Variants in PRPF6 observed in about 807,000 individuals in gnomAD.
PRPF6 encodes pre-mRNA-processing factor 6.
Under a neutral mutation model 118.3 loss-of-function variants are expected in PRPF6, and 42 were observed. That is an observed-to-expected ratio of 0.35 (90% CI 0.28 to 0.46). The LOEUF is 0.46. Ranked by LOEUF, PRPF6 falls within the 20% of genes least tolerant of loss-of-function variation. The pLI is 1.00. For synonymous variants in PRPF6, 481 were observed against 485.1 expected, an observed-to-expected ratio of 0.99 and a Z score of 0.11; for missense variants, 662 against 1,255.7, an observed-to-expected ratio of 0.53 and a Z score of 7.15.
chr20:64,017,442 C>CAT (rs2059243894), intron 12 of PRPF6, among the ~76,000 whole-genome samples: 1 of 148,912 alleles, frequency 6.7e-6, no homozygotes, highest in Admixed American at 6.6e-5. Context: ...GGATCACAGG[C>CAT]GTGAGCCGCC....
intron 1 of PRPF6, 122 bp downstream of exon 1, chr20:63,981,438 T>A: frequency 1.0e-6 from 1 of 978,140 alleles, no homozygotes. Flanking sequence ...TGGATCGGCT[T>A]AATCCCTGCA....
intron 12 of PRPF6, among the ~76,000 whole-genome samples, chr20:64,021,298 G>A (rs1036149300): frequency 6.6e-6 from 1 of 150,890 alleles, no homozygotes; most frequent in Non-Finnish European, 1.5e-5. Flanking sequence ...GCGTGTGTGT[G>A]TGTGTGTGTG....
rs550028514 is a variant in PRPF6, at chr20:64,000,853, C to T, written c.1024-224C>T. 1.1e-4 allele frequency among the ~76,000 whole-genome samples: 17 copies of T among 152,318 alleles called. No individual in the cohort carries two copies. The South Asian group carries it at 3.3e-3, about 30-fold the overall frequency. On this transcript the variant is annotated intron_variant, in intron 8 of 20. Transcript: ENST00000266079. ...AAGGGCTGGGATTACAGGCGTGAGC[C>T]ACCGCGCCCGGCCATTAGGTGTTCT...
intron 9 of PRPF6, among the ~76,000 whole-genome samples, chr20:64,004,490 A>G (rs2123035903): frequency 6.6e-6 from 1 of 152,284 alleles, no homozygotes; most frequent in East Asian, 1.9e-4. Context: ...AGCTACTTCC[A>G]CTGGTGACTT....
intron 4 of PRPF6, among the ~76,000 whole-genome samples, chr20:63,993,751 T>G (rs1419560784): frequency 6.6e-6 from 1 of 151,980 alleles, no homozygotes. Context: ...TTCTTTTTTC[T>G]TTTTTCTTTT....
chr20:64,019,761 C>T (rs2059254623), intron 12 of PRPF6, among the ~76,000 whole-genome samples: 1 of 152,346 alleles, frequency 6.6e-6, no homozygotes, highest in African/African-American at 2.4e-5. Context: ...GGACACAGTG[C>T]CTGAGGCAGG....
chr20:64,008,273 T>G (rs771224664), intron 9 of PRPF6, among the ~76,000 whole-genome samples: 2 of 152,170 alleles, frequency 1.3e-5, no homozygotes, highest in Non-Finnish European at 2.9e-5. Context: ...ATTGGGTTGT[T>G]TTTCCTTGAG....
At chr20:64,010,881 C>A (rs114960061) in intron 10 of PRPF6, among the ~76,000 whole-genome samples, 36 of 152,276 alleles carry the variant, frequency 2.4e-4, no homozygotes, top group African/African-American at 8.7e-4. Context: ...AAAGCCCGTA[C>A]ACATCTTAGG....
chr20:63,996,618 A>T (rs1379649735), intron 6 of PRPF6, among the ~76,000 whole-genome samples: 3 of 152,156 alleles, frequency 2.0e-5, no homozygotes, highest in Admixed American at 6.6e-5. Flanking sequence ...CCCAGCCTGA[A>T]ATTTGTTTAC....
chr20:64,015,833 A>G (rs1414503145), intron 11 of PRPF6, among the ~76,000 whole-genome samples: 1 of 152,174 alleles, frequency 6.6e-6, no homozygotes, highest in Non-Finnish European at 1.5e-5. Flanking sequence ...AGCATCTTGA[A>G]AATAAGAATA....
At chr20:63,988,422 A>T (rs2059104447) in intron 3 of PRPF6, among the ~76,000 whole-genome samples, 12 of 151,068 alleles carry the variant, frequency 7.9e-5, no homozygotes, top group Admixed American at 7.3e-4. Flanking sequence ...GCTTGAACCC[A>T]GGAGGTCGAG....
Position 64,026,078 on chromosome 20 carries a change from GCTGGGCCGT to G in PRPF6, c.2028+26_2028+34del. ...GCCCGGGTACGCAGTGGCAGGCAGG[GCTGGGCCGT>G]CTGGGGTGCATGGTGTGCACATGCG... On this transcript the variant is annotated intron_variant, in intron 15 of 20. Coordinates refer to ENST00000266079, the MANE Select transcript of PRPF6 (RefSeq NM_012469.4). The surrounding 1 kb of genome is among the most constrained non-coding windows in gnomAD (Gnocchi z 4.4). 1 of 1,600,132 alleles carries G rather than the reference GCTGGGCCGT, an allele frequency of 6.2e-7. No homozygotes were observed. Among genetic ancestry groups the G allele is most frequent in the East Asian group, 2.2e-5 (1 of 44,878 alleles).
chr20:64,021,399 CCTGTGT>C (rs1440146860), intron 12 of PRPF6, among the ~76,000 whole-genome samples: 18 of 150,312 alleles, frequency 1.2e-4, no homozygotes, highest in Non-Finnish European at 2.2e-4. Flanking sequence ...GAGCCACAGC[CCTGTGT>C]CTGTGTGTGC....
chr20:63,998,571 G>A (rs2059151240), intron 6 of PRPF6, among the ~76,000 whole-genome samples: 1 of 150,664 alleles, frequency 6.6e-6, no homozygotes, highest in Admixed American at 6.7e-5. Flanking sequence ...GACAGACGCG[G>A]TGGCTCACGC....
intron 14 of PRPF6, 30 bp downstream of exon 14, chr20:64,024,723 G>T: frequency 1.2e-6 from 2 of 1,607,090 alleles, no homozygotes; most frequent in Non-Finnish European, 1.7e-6. Flanking sequence ...GTGGTGAGGG[G>T]CCTGTGCACA....
intron 9 of PRPF6, among the ~76,000 whole-genome samples, chr20:64,006,729 A>C (rs1321617101): frequency 2.0e-5 from 3 of 152,022 alleles, no homozygotes; most frequent in Admixed American, 6.6e-5. Context: ...TTCAGACATC[A>C]CTGTTTATTC....
intron 3 of PRPF6, among the ~76,000 whole-genome samples, chr20:63,986,961 G>A (rs1041180075): frequency 2.0e-5 from 3 of 151,190 alleles, no homozygotes; most frequent in African/African-American, 7.3e-5. Context: ...TTGATCTCAG[G>A]AGTTTGAGAC....
intron 2 of PRPF6, 90 bp downstream of exon 2, chr20:63,983,305 C>T: frequency 6.7e-6 from 10 of 1,489,646 alleles, no homozygotes; most frequent in Non-Finnish European, 9.3e-6. Flanking sequence ...TAATGAATGG[C>T]TTGGAGTGGC....
intron 3 of PRPF6, among the ~76,000 whole-genome samples, chr20:63,987,944 A>C (rs532607155): frequency 6.6e-5 from 10 of 152,232 alleles, no homozygotes; most frequent in Admixed American, 2.0e-4. Flanking sequence ...GCACTTTGGG[A>C]GGCCGAGGCA....
Sources: allele counts gnomAD v4.1 joint callset (sites outside exome capture counted in the v4.1 genomes callset), GRCh38; gene constraint gnomAD v4.1.1; non-coding constraint Gnocchi (gnomAD v3.1); transcripts MANE v1.5; gene names NCBI Gene and HGNC (gene_info 2026-07-23, HGNC 2026-07-21).